The following GFPT1 variants were observed in gnomAD, a reference collection of about 807,000 sequenced individuals.
GFPT1 encodes glutamine--fructose-6-phosphate transaminase 1.
In GFPT1, 40 loss-of-function variants were observed where a neutral mutation model predicts 92.0. The observed-to-expected ratio is 0.43, with a 90% CI of 0.34 to 0.57. GFPT1 has a LOEUF of 0.57. Among genes scored for constraint, GFPT1 ranks in the 20% least tolerant of loss-of-function variants. GFPT1 has a pLI of 0.02. For synonymous variants in GFPT1, 269 were observed against 280.6 expected (o/e 0.96, Z 0.41); for missense variants, 448 against 869.1 (o/e 0.52, Z 6.09).
intron 3 of GFPT1, among the ~76,000 whole-genome samples, chr2:69,368,368 C>A (rs536191458): frequency 6.6e-6 from 1 of 152,022 alleles, no homozygotes; most frequent in East Asian, 1.9e-4. Context: ...TGCAACAGAC[C>A]AAGAGTCCAT....
intron 1 of GFPT1, among the ~76,000 whole-genome samples, chr2:69,384,675 CAGAG>C (rs1236268910): frequency 8.1e-5 from 9 of 111,322 alleles, no homozygotes; most frequent in Admixed American, 1.3e-4. Flanking sequence ...GCCTGGGCGA[CAGAG>C]AGAGGCCCCG....
At chr2:69,351,634 A>T (rs922592086) in intron 9 of GFPT1, among the ~76,000 whole-genome samples, 2 of 152,236 alleles carry the variant, frequency 1.3e-5, no homozygotes, top group Non-Finnish European at 2.9e-5. Flanking sequence ...TAAAAGCCAA[A>T]AAAAGTATAT....
At position 69,358,437 on chromosome 2, in the gene GFPT1, A is replaced by G. The variant is rs763800953; in HGVS notation, c.435T>C (p.Ser145=). 6.2e-7 allele frequency: 1 copy of G among 1,609,120 alleles called. No individual in the cohort carries two copies. Among genetic ancestry groups the G allele is most frequent in the Non-Finnish European group, 8.5e-7 (1 of 1,175,632 alleles). ...FLESKGYDFE[S]ETDTETIAKL... ...TGGCAATTGTCTCTGTGTCTGTTTC[A>G]GATTCGAAGTCATAGCCTTTGCTTT... The change falls in exon 6 of 20, where the codon TCT becomes TCC. Residue 145 remains serine (S), a synonymous_variant. Coordinates refer to ENST00000357308, the MANE Select transcript of GFPT1 (RefSeq NM_001244710.2).
chr2:69,384,798 G>A (rs1298844561), intron 1 of GFPT1, among the ~76,000 whole-genome samples: 1 of 150,000 alleles, frequency 6.7e-6, no homozygotes, highest in Non-Finnish European at 1.5e-5. Flanking sequence ...AGAAAGAAAA[G>A]AAAAGAAAGA....
chr2:69,339,209 T>C (rs1670875975), intron 13 of GFPT1, among the ~76,000 whole-genome samples: 1 of 152,184 alleles, frequency 6.6e-6, no homozygotes. Context: ...AAAATGAAAA[T>C]TCATGTAATA....
chr2:69,364,685 T>C (rs753382295), intron 3 of GFPT1, among the ~76,000 whole-genome samples: 1 of 152,204 alleles, frequency 6.6e-6, no homozygotes, highest in African/African-American at 2.4e-5. Flanking sequence ...CATAGGCCAA[T>C]GTTCCTTTAT....
At chr2:69,355,735 A>G (rs1671320299) in intron 7 of GFPT1, among the ~76,000 whole-genome samples, 1 of 152,214 alleles carries the variant, frequency 6.6e-6, no homozygotes, top group Admixed American at 6.5e-5. Context: ...CAGATTAAAA[A>G]TATCTCTCTT....
At chr2:69,327,810 C>G (rs2104597023) in intron 18 of GFPT1, among the ~76,000 whole-genome samples, 2 of 152,184 alleles carry the variant, frequency 1.3e-5, no homozygotes, top group Middle Eastern at 6.8e-3. Flanking sequence ...TCTTAAAGCT[C>G]TAAGTATCTG....
At chr2:69,363,150 G>T (rs911166561) in intron 4 of GFPT1, among the ~76,000 whole-genome samples, 1 of 152,146 alleles carries the variant, frequency 6.6e-6, no homozygotes, top group African/African-American at 2.4e-5. Context: ...AGGTTGGAGG[G>T]CAATGGCATG....
At chr2:69,370,132 G>C (rs758375821) in intron 2 of GFPT1, 24 bp from the exon 3 acceptor site, 3 of 1,402,120 alleles carry the variant, frequency 2.1e-6, no homozygotes, top group Non-Finnish European at 3.0e-6. Context: ...AGGTAAAAAA[G>C]CAAAATTTAG....
At chr2:69,386,678 C>G (rs1672135532) in intron 1 of GFPT1, among the ~76,000 whole-genome samples, 1 of 152,078 alleles carries the variant, frequency 6.6e-6, no homozygotes, top group African/African-American at 2.4e-5. Context: ...GAGACCTCGC[C>G]CGAGGTTCCA....
intron 15 of GFPT1, among the ~76,000 whole-genome samples, chr2:69,336,111 G>A (rs1283913328): frequency 5.3e-5 from 8 of 151,742 alleles, no homozygotes; most frequent in Non-Finnish European, 8.8e-5. Flanking sequence ...GGTTGAGGCA[G>A]GCAGATCACT....
intron 15 of GFPT1, among the ~76,000 whole-genome samples, chr2:69,335,718 G>A (rs1670777458): frequency 2.6e-5 from 4 of 152,052 alleles, no homozygotes; most frequent in South Asian, 4.1e-4. Context: ...TAGCAATATC[G>A]AAATACCCAA....
rs527958265 is a variant in GFPT1 at position 69,338,415 on chromosome 2, C to T, written c.1324+30G>A. ...AGAATTATTAGAAAGAATAACTTTCCTTCCTTTTAAGTCTTTAAAATTAAC... is the reference window on the plus strand; with the variant it reads ...AGAATTATTAGAAAGAATAACTTTCTTTCCTTTTAAGTCTTTAAAATTAAC... On this transcript the variant is annotated intron_variant, in intron 14 of 19. Coordinates refer to ENST00000357308, the MANE Select transcript of GFPT1 (RefSeq NM_001244710.2). 3.2e-6 allele frequency: 5 copies of T among 1,582,822 alleles called. No individual in the cohort carries two copies. In the South Asian group the frequency reaches 4.4e-5, roughly 14 times the overall value.
At chr2:69,386,740 C>T (rs1672137640) in intron 1 of GFPT1, among the ~76,000 whole-genome samples, 1 of 152,246 alleles carries the variant, frequency 6.6e-6, no homozygotes, top group Non-Finnish European at 1.5e-5. Context: ...CCCCTCCACA[C>T]CTCAATTCCC....
chr2:69,328,473 CT>C, intron 17 of GFPT1, 35 bp from the exon 18 acceptor site: 1 of 1,517,856 alleles, frequency 6.6e-7, no homozygotes, highest in Non-Finnish European at 9.2e-7. Context: ...CTTCAATCCA[CT>C]TTTCAAAAAT....
At chr2:69,368,401 G>A (rs1671661726) in intron 3 of GFPT1, among the ~76,000 whole-genome samples, 1 of 151,938 alleles carries the variant, frequency 6.6e-6, no homozygotes, top group Non-Finnish European at 1.5e-5. Flanking sequence ...TTAGCTGTGA[G>A]TAAAGTAGAC....
At chr2:69,386,925 C>A in intron 1 of GFPT1, 140 bp downstream of exon 1, 1 of 739,706 alleles carries the variant, frequency 1.4e-6, no homozygotes, top group African/African-American at 1.8e-5. Flanking sequence ...CCCGCAGCCA[C>A]CACTGGGCGC....
chr2:69,380,802 G>A (rs1407419629), intron 1 of GFPT1, among the ~76,000 whole-genome samples: 5 of 151,944 alleles, frequency 3.3e-5, no homozygotes, highest in South Asian at 4.2e-4. Flanking sequence ...TATCCATTTC[G>A]GTCCACTTTC....
Sources: gnomAD v4.1 joint callset for allele counts (sites outside exome capture counted in the v4.1 genomes callset) on GRCh38, gnomAD v4.1.1 for gene constraint, MANE v1.5 for transcripts, NCBI Gene and HGNC (gene_info 2026-07-23, HGNC 2026-07-21) for gene names.